Variants in TBL1X observed in about 807,000 individuals in gnomAD.
The protein encoded by TBL1X is transducin beta like 1 X-linked.
TBL1X carries 10 observed loss-of-function variants against 50.7 expected under a neutral mutation model. That is an observed-to-expected ratio of 0.20 (90% CI 0.12 to 0.33). The LOEUF is 0.33. TBL1X is among the 10% of genes least tolerant of loss of function. The pLI is 1.00. For missense variants in TBL1X, 340 were observed against 504.4 expected (o/e 0.67, Z 3.12); for synonymous variants, 190 against 214.7 (o/e 0.88, Z 1.01).
chrX:9,655,531 G>A (rs1050995336), intron 5 of TBL1X, among the ~76,000 whole-genome samples: 1 of 111,957 alleles, frequency 8.9e-6, no homozygotes, highest in Admixed American at 9.5e-5. Context: ...ACATTCTGAG[G>A]TGCGCTGTTG....
chrX:9,528,176 C>T (rs1401467592), intron 2 of TBL1X, among the ~76,000 whole-genome samples: 2 of 111,444 alleles, frequency 1.8e-5, no homozygotes, highest in African/African-American at 3.3e-5. Context: ...TGGCACCCAC[C>T]GTTCTATTTT....
chrX:9,639,504 T>C (rs1024418704), intron 2 of TBL1X, among the ~76,000 whole-genome samples: 1 of 112,294 alleles, frequency 8.9e-6, no homozygotes, highest in Non-Finnish European at 1.9e-5. Context: ...AATGGTTTAC[T>C]GATTAGTGTT....
intron 2 of TBL1X, among the ~76,000 whole-genome samples, chrX:9,589,799 C>T (rs938679287): frequency 6.3e-5 from 7 of 111,684 alleles, no homozygotes; most frequent in African/African-American, 2.0e-4. Flanking sequence ...AGCATAGGCA[C>T]AAAGCGTCTC....
intron 2 of TBL1X, among the ~76,000 whole-genome samples, chrX:9,548,843 G>C (rs2082257655): frequency 8.9e-6 from 1 of 112,619 alleles, no homozygotes; most frequent in Admixed American, 9.3e-5. Flanking sequence ...GATAAACCTG[G>C]GACCTTTTGT....
chrX:9,471,390 T>G (rs1311224433), intron 1 of TBL1X, among the ~76,000 whole-genome samples: 4 of 111,940 alleles, frequency 3.6e-5, no homozygotes, highest in African/African-American at 1.3e-4. Context: ...CCTCAAGCCT[T>G]TTCCTCCCTC....
intron 5 of TBL1X, among the ~76,000 whole-genome samples, chrX:9,676,970 G>T (rs1011856764): frequency 9.0e-6 from 1 of 111,570 alleles, no homozygotes; most frequent in Non-Finnish European, 1.9e-5. Flanking sequence ...TAGTGAATTC[G>T]CCCCACAGAT....
intron 2 of TBL1X, among the ~76,000 whole-genome samples, chrX:9,630,844 G>A (rs948725990): frequency 4.5e-5 from 5 of 112,344 alleles, no homozygotes; most frequent in African/African-American, 9.7e-5. Flanking sequence ...CCAAAGTGCC[G>A]GGATTAGAGG....
chrX:9,601,732 AT>A (rs1315836995), intron 2 of TBL1X, among the ~76,000 whole-genome samples: 1 of 111,867 alleles, frequency 8.9e-6, no homozygotes, highest in Non-Finnish European at 1.9e-5. Context: ...CTGTATGTTC[AT>A]TTTAGATAGA....
At chrX:9,691,435 C>CAAAAAAAA in intron 7 of TBL1X, 144 bp from the exon 8 acceptor site, 1 of 357,878 alleles carries the variant, frequency 2.8e-6, no homozygotes, top group Non-Finnish European at 3.8e-6. Context: ...GATTCCGTCT[C>CAAAAAAAA]AAAAAAAAAA....
intron 2 of TBL1X, among the ~76,000 whole-genome samples, chrX:9,624,779 G>A (rs1057364555): frequency 7.2e-5 from 8 of 111,676 alleles, no homozygotes; most frequent in Non-Finnish European, 1.1e-4. Flanking sequence ...TAAGGTATGC[G>A]TATAACTAAA....
intron 5 of TBL1X, among the ~76,000 whole-genome samples, chrX:9,676,573 T>G (rs1230620219): frequency 8.9e-6 from 1 of 112,254 alleles, no homozygotes; most frequent in Non-Finnish European, 1.9e-5. Flanking sequence ...GAGATCCTTC[T>G]GGTATTTCTT....
At chrX:9,513,779 T>C (rs1017492320) in intron 2 of TBL1X, among the ~76,000 whole-genome samples, 1 of 109,633 alleles carries the variant, frequency 9.1e-6, no homozygotes, top group South Asian at 3.9e-4. Flanking sequence ...TTTAGAGGTT[T>C]ATTTGGCACA....
intron 2 of TBL1X, among the ~76,000 whole-genome samples, chrX:9,528,445 CTG>C (rs922675439): frequency 2.7e-5 from 3 of 110,347 alleles, no homozygotes; most frequent in African/African-American, 9.9e-5. Flanking sequence ...GGAATAGAGA[CTG>C]TGAGGCATTG....
chrX:9,498,989 C>T (rs1289040132), intron 1 of TBL1X, among the ~76,000 whole-genome samples: 1 of 111,782 alleles, frequency 8.9e-6, no homozygotes, highest in African/African-American at 3.3e-5. Context: ...TCCCCTCCAG[C>T]AGGCTCTGCC....
intron 2 of TBL1X, among the ~76,000 whole-genome samples, chrX:9,568,226 C>G (rs764993062): frequency 9.0e-6 from 1 of 110,707 alleles, no homozygotes; most frequent in South Asian, 3.8e-4. Flanking sequence ...GTGTGTGTGT[C>G]TGTGCAACGT....
chrX:9,613,319 G>C (rs1241194435), intron 2 of TBL1X, among the ~76,000 whole-genome samples: 2 of 111,358 alleles, frequency 1.8e-5, no homozygotes, highest in African/African-American at 6.5e-5. Context: ...AAGCTGCCCA[G>C]CACTCTCCCG....
At position 9,495,147 on chromosome X, in the gene TBL1X, G is replaced by A. The variant is rs375745435; in HGVS notation, c.-200-6633G>A. 1.6e-4 allele frequency among the ~76,000 whole-genome samples: 18 copies of A among 111,065 alleles called. No individual in the cohort carries two copies. The South Asian group carries it at 6.1e-3, about 37-fold the overall frequency. On this transcript the variant is annotated intron_variant, in intron 1 of 17. Coordinates refer to ENST00000645353, the MANE Select transcript of TBL1X (RefSeq NM_005647.4). ...TTTCTCTTTGGCCCTGGCTTTTTCCGTTCACAGCTGCCCTCGACGTTCATT... is the reference window on the plus strand; with the variant it reads ...TTTCTCTTTGGCCCTGGCTTTTTCCATTCACAGCTGCCCTCGACGTTCATT...
At chrX:9,491,328 ATATATATATATTT>A (rs1302214851) in intron 1 of TBL1X, among the ~76,000 whole-genome samples, 41 of 23,212 alleles carry the variant, frequency 1.8e-3, no homozygotes, top group East Asian at 0.016. Flanking sequence ...ATATATATAT[ATATATATATATTT>A]TTTTTTTTTT....
At chrX:9,526,746 C>T (rs1355984824) in intron 2 of TBL1X, among the ~76,000 whole-genome samples, 1 of 112,362 alleles carries the variant, frequency 8.9e-6, no homozygotes, top group Non-Finnish European at 1.9e-5. Flanking sequence ...CATTTATGGC[C>T]ACTGACTTTT....
Sources: allele counts gnomAD v4.1 joint callset (sites outside exome capture counted in the v4.1 genomes callset), GRCh38; gene constraint gnomAD v4.1.1; transcripts MANE v1.5; gene names NCBI Gene and HGNC (gene_info 2026-07-23, HGNC 2026-07-21).